Variants in ST3GAL3 observed in about 807,000 individuals in gnomAD.
ST3GAL3 encodes ST3 beta-galactoside alpha-2,3-sialyltransferase 3.
ST3GAL3 carries 21 observed loss-of-function variants against 50.1 expected under a neutral mutation model. That is an observed-to-expected ratio of 0.42 (90% CI 0.30 to 0.60). ST3GAL3 has a LOEUF of 0.60. Among genes scored for constraint, ST3GAL3 ranks in the 20% least tolerant of loss-of-function variants. The probability of loss-of-function intolerance (pLI) is 0.19; values close to 1 mark genes in which losing one functional copy is unlikely to be tolerated. For synonymous variants in ST3GAL3, 183 were observed against 190.0 expected (o/e 0.96, Z 0.30); for missense variants, 353 against 489.4 (o/e 0.72, Z 2.63).
chr1:43,754,899 C>G (rs1308943409), intron 2 of ST3GAL3, among the ~76,000 whole-genome samples: 1 of 149,766 alleles, frequency 6.7e-6, no homozygotes, highest in Admixed American at 6.7e-5. Context: ...GCACTCCAGC[C>G]TAGGTGATAG....
At chr1:43,887,501 G>A (rs542673216) in intron 5 of ST3GAL3, among the ~76,000 whole-genome samples, 15 of 152,264 alleles carry the variant, frequency 9.9e-5, no homozygotes, top group African/African-American at 3.4e-4. Flanking sequence ...AGAGAGTATT[G>A]GAGATTAATA....
chr1:43,902,512 A>G (rs1368236218), intron 9 of ST3GAL3, among the ~76,000 whole-genome samples: 1 of 152,178 alleles, frequency 6.6e-6, no homozygotes, highest in African/African-American at 2.4e-5. Flanking sequence ...CCTCTTCATC[A>G]TTTGTGGCCA....
At chr1:43,894,318 G>A (rs2154266970) in intron 5 of ST3GAL3, 65 bp from the exon 6 acceptor site, 1 of 1,520,930 alleles carries the variant, frequency 6.6e-7, no homozygotes, top group South Asian at 1.1e-5. Flanking sequence ...CCGACGTACG[G>A]AAGTGCCACC....
At chr1:43,902,021 C>T (rs540763780) in intron 9 of ST3GAL3, among the ~76,000 whole-genome samples, 7 of 152,354 alleles carry the variant, frequency 4.6e-5, no homozygotes, top group Admixed American at 4.6e-4. Flanking sequence ...TCCTTCTCCA[C>T]CCCAAGCCCA....
chr1:43,781,922 A>G (rs1699502075), intron 2 of ST3GAL3, among the ~76,000 whole-genome samples: 1 of 152,190 alleles, frequency 6.6e-6, no homozygotes, highest in Non-Finnish European at 1.5e-5. Context: ...ATAATACTTC[A>G]TTAAGTCAAA....
rs751682091 is a variant in ST3GAL3 at position 43,737,171 on chromosome 1, C to G, written c.118+791C>G. 6.6e-6 allele frequency: 1 copy of G among 152,564 alleles called. No individual in the cohort carries two copies. Among genetic ancestry groups the G allele is most frequent in the Non-Finnish European group, 1.5e-5 (1 of 68,340 alleles). 9.5% of individuals were successfully genotyped at this position (152,564 alleles called of 1,614,324 possible). ...TTATTTTGTCTGACTGTTATCTGAG[C>G]TTGGTGTGGGAAATAGTATAAAATC... is the stretch of plus-strand genomic sequence containing the variant. On this transcript the variant is annotated intron_variant, in intron 2 of 11. Coordinates refer to ENST00000347631, the MANE Select transcript of ST3GAL3 (RefSeq NM_006279.5). This position sits in a 1 kb window ranked among gnomAD's most constrained non-coding sequence, Gnocchi z 4.0.
intron 3 of ST3GAL3, among the ~76,000 whole-genome samples, chr1:43,811,488 C>T (rs1340121350): frequency 7.6e-6 from 1 of 130,782 alleles, no homozygotes; most frequent in African/African-American, 2.5e-5. Context: ...CTGCCTTGCT[C>T]CTCACTTCTG....
chr1:43,754,987 CAA>C (rs1031800012), intron 2 of ST3GAL3, among the ~76,000 whole-genome samples: 1 of 151,548 alleles, frequency 6.6e-6, no homozygotes, highest in Non-Finnish European at 1.5e-5. Flanking sequence ...AAGGACTAAA[CAA>C]AACCTTAAAG....
At chr1:43,905,468 CT>C (rs1347473961) in intron 9 of ST3GAL3, among the ~76,000 whole-genome samples, 10 of 133,426 alleles carry the variant, frequency 7.5e-5, no homozygotes, top group Non-Finnish European at 1.5e-4. Flanking sequence ...GTTCCTCCCC[CT>C]CCTCCTGTTC....
At position 43,755,972 on chromosome 1, in the gene ST3GAL3, A is replaced by C. The variant is rs186915135; in HGVS notation, c.118+19592A>C. ...AAAAATTAGCCTGGCATGGTGGTAC[A>C]TGCCTGTTGTCCTAGCTACTCAGGA... On this transcript the variant is annotated intron_variant, in intron 2 of 11. Transcript: ENST00000347631. Among the ~76,000 whole-genome samples the C allele has an allele frequency of 1.3e-4, 19 of 151,902 alleles. No individual in the cohort carries two copies. The East Asian group carries it at 3.7e-3, about 29-fold the overall frequency.
chr1:43,850,265 G>A (rs1212806285), intron 5 of ST3GAL3: 6 of 461,586 alleles, frequency 1.3e-5, no homozygotes, highest in Non-Finnish European at 2.5e-5. Context: ...CTTCCTCTGT[G>A]GCACCAGGTG....
intron 1 of ST3GAL3, among the ~76,000 whole-genome samples, chr1:43,731,767 C>T (rs984501848): frequency 9.9e-5 from 15 of 151,694 alleles, no homozygotes; most frequent in Non-Finnish European, 1.8e-4. Flanking sequence ...CTCCTGACCT[C>T]GTGATCCACC....
chr1:43,794,086 G>GA lies in ST3GAL3; in HGVS notation c.166+1954dup, dbSNP rs11342279. ...GTGACACAGTGAGACCCTGTCTCTG[G>GA]AAAAAAAAAAAAAAAAAGAAGGAAA... On this transcript the variant is annotated intron_variant, in intron 3 of 11. Transcript: ENST00000347631. Among the ~76,000 whole-genome samples, 117 of 122,180 alleles carry GA rather than the reference G, an allele frequency of 9.6e-4. 1 individual carries two copies. Among genetic ancestry groups the GA allele is most frequent in the African/African-American group, 2.4e-3 (79 of 32,306 alleles). The allele number at this position is 122,180 out of a possible 152,430, so 80.2% of individuals were successfully genotyped here.
intron 3 of ST3GAL3, among the ~76,000 whole-genome samples, chr1:43,811,596 C>T (rs1288276424): frequency 6.6e-6 from 1 of 152,184 alleles, no homozygotes; most frequent in East Asian, 1.9e-4. Flanking sequence ...GAAACGAGCC[C>T]ACAACAGCTC....
At chr1:43,729,622 TC>T (rs1054069707) in intron 1 of ST3GAL3, among the ~76,000 whole-genome samples, 138 of 152,306 alleles carry the variant, frequency 9.1e-4, no homozygotes, top group African/African-American at 3.2e-3. Flanking sequence ...TGTGTGACTC[TC>T]CCTAAAGCCT....
intron 2 of ST3GAL3, among the ~76,000 whole-genome samples, chr1:43,758,050 T>C (rs12124079): frequency 0.042 from 6,420 of 152,066 alleles, 202 homozygotes; most frequent in Non-Finnish European, 0.068. Flanking sequence ...GACATACACA[T>C]GGCAAGTAAG....
At position 43,792,784 on chromosome 1, in the gene ST3GAL3, C is replaced by T. The variant is rs146768704; in HGVS notation, c.166+635C>T. Among the ~76,000 whole-genome samples the T allele has an allele frequency of 2.8e-3, 425 of 152,308 alleles. 2 individuals are homozygous for T. The highest frequency in any genetic ancestry group is 9.9e-3 in the African/African-American group (410 of 41,576). Reference sequence around the variant, plus strand: ...GAGCCTGGCTCTGCCATGTCTAGGGCAGTTTACCTGTTCCACATCACTGTG... The same window carrying T: ...GAGCCTGGCTCTGCCATGTCTAGGGTAGTTTACCTGTTCCACATCACTGTG... On this transcript the variant is annotated intron_variant, in intron 3 of 11. Coordinates refer to ENST00000347631, the MANE Select transcript of ST3GAL3 (RefSeq NM_006279.5).
At chr1:43,716,441 T>C (rs1667427424) in intron 1 of ST3GAL3, 1 of 152,256 alleles carries the variant, frequency 6.6e-6, no homozygotes, top group Non-Finnish European at 1.5e-5. Context: ...AGTTTAGTTA[T>C]GATCCTATTT....
At chr1:43,751,844 A>G (rs1686235978) in intron 2 of ST3GAL3, among the ~76,000 whole-genome samples, 1 of 151,668 alleles carries the variant, frequency 6.6e-6, no homozygotes, top group Non-Finnish European at 1.5e-5. Context: ...TTTTTTTGAG[A>G]CGGAGGTTCT....
Sources: allele counts gnomAD v4.1 joint callset (sites outside exome capture counted in the v4.1 genomes callset), GRCh38; gene constraint gnomAD v4.1.1; non-coding constraint Gnocchi (gnomAD v3.1); transcripts MANE v1.5; gene names NCBI Gene and HGNC (gene_info 2026-07-23, HGNC 2026-07-21).